PKD1L3: variants seen among roughly 807,000 people sequenced by gnomAD.
PKD1L3 encodes the protein polycystin-1-like protein 3.
In PKD1L3, 239 loss-of-function variants were observed where a neutral mutation model predicts 184.1. The observed-to-expected ratio is 1.30, with a 90% CI of 1.17 to 1.45. PKD1L3 has a LOEUF of 1.45. PKD1L3 is among the 40% of genes most tolerant of loss of function. PKD1L3 has a pLI of 0.00. For synonymous variants in PKD1L3, 996 were observed against 778.8 expected, an observed-to-expected ratio of 1.28 and a Z score of -4.64; for missense variants, 2,660 against 2,067.2, an observed-to-expected ratio of 1.29 and a Z score of -5.56.
Position 71,970,031 on chromosome 16 carries a change from AAAG to A in PKD1L3, c.2025_2027del (p.Phe676del), listed in dbSNP as rs1167039077. The A allele has an allele frequency of 3.2e-6, 5 of 1,551,562 alleles. No homozygotes were observed. In the East Asian group the frequency reaches 9.8e-5, roughly 30 times the overall value. On this transcript the variant is annotated inframe_deletion, in exon 13 of 30. Transcript: ENST00000620267. ...CAACATTCACGGTCCTGGGCACGAC[AAAG>A]AAGTCGCTGGCAAAGAAGGTCAGGT... is the stretch of plus-strand genomic sequence containing the variant.
In PKD1L3 at chr16:71,986,486, T is replaced by A. The variant is rs1419961406; in HGVS notation, c.586-17A>T. 1 of 1,543,026 alleles carries A rather than the reference T, an allele frequency of 6.5e-7. No homozygotes were observed. The highest frequency in any genetic ancestry group is 1.8e-4 in the Middle Eastern group (1 of 5,566). On this transcript the variant is annotated splice_polypyrimidine_tract_variant and intron_variant, in intron 4 of 29. Transcript: ENST00000620267. Reference sequence around the variant, plus strand: ...GGTCTTGGACTAAAAGATAAAAATATGTAAAGGAAAAGACTGAATCTGATT... The same window carrying A: ...GGTCTTGGACTAAAAGATAAAAATAAGTAAAGGAAAAGACTGAATCTGATT...
intron 5 of PKD1L3, among the ~76,000 whole-genome samples, chr16:71,985,722 G>T (rs1291330706): frequency 1.3e-5 from 2 of 152,132 alleles, no homozygotes; most frequent in Admixed American, 1.3e-4. Context: ...GTGAGCCACT[G>T]TGCCTGGCTA....
In PKD1L3 at chr16:71,993,180, C is replaced by T. The variant is rs184726267; in HGVS notation, c.535+36G>A. 3,821 of 1,401,288 alleles carry T rather than the reference C, an allele frequency of 2.7e-3. 109 individuals carry two copies. The highest frequency in any genetic ancestry group is 8.5e-4 in the South Asian group (65 of 76,052). The allele number at this position is 1,401,288 out of a possible 1,614,324, so 86.8% of individuals were successfully genotyped here. A position where few individuals can be genotyped will look rare whatever the true frequency, so the allele number is the denominator to read the frequency against. Reference sequence around the variant, plus strand: ...ATTCTTTTAGCAGAAATTGATTCCACGGATTTTTAAGGTTACTAGAGGAGT... The same window carrying T: ...ATTCTTTTAGCAGAAATTGATTCCATGGATTTTTAAGGTTACTAGAGGAGT... On this transcript the variant is annotated intron_variant, in intron 3 of 29. Transcript: ENST00000620267.
intron 15 of PKD1L3, among the ~76,000 whole-genome samples, 199 bp from the exon 16 acceptor site, chr16:71,963,550 G>A (rs1451097630): frequency 1.3e-5 from 2 of 152,212 alleles, no homozygotes; most frequent in Admixed American, 6.5e-5. Context: ...GTGAGGCTGA[G>A]GCAGGTGGAT....
intron 7 of PKD1L3, 67 bp downstream of exon 7, chr16:71,981,992 A>T: frequency 7.2e-7 from 1 of 1,387,216 alleles, no homozygotes; most frequent in Non-Finnish European, 9.6e-7. Flanking sequence ...AGAGGCTGTG[A>T]TACCTGGACC....
chr16:71,968,848 G>T (rs147093379), intron 13 of PKD1L3, among the ~76,000 whole-genome samples: 53 of 152,112 alleles, frequency 3.5e-4, no homozygotes, highest in African/African-American at 1.2e-3. Context: ...CACCTGCCTC[G>T]GCCTCCCAGT....
chr16:71,958,897 G>A (rs999956393), intron 16 of PKD1L3, among the ~76,000 whole-genome samples: 4 of 148,830 alleles, frequency 2.7e-5, no homozygotes, highest in Non-Finnish European at 5.9e-5. Flanking sequence ...GACCAGCCTG[G>A]GCAACAGAGT....
chr16:71,950,421 C>G (rs2038786059), intron 19 of PKD1L3, 111 bp from the exon 20 acceptor site: 4 of 977,402 alleles, frequency 4.1e-6, no homozygotes, highest in Admixed American at 2.8e-5. Flanking sequence ...TTTCCCACTA[C>G]TAGCAGAGAT....
At chr16:71,935,752 TC>T (rs1430019434) in intron 25 of PKD1L3, among the ~76,000 whole-genome samples, 1 of 152,244 alleles carries the variant, frequency 6.6e-6, no homozygotes, top group Non-Finnish European at 1.5e-5. Context: ...TTATTCTTTT[TC>T]TTGGAGATCA....
Position 71,999,749 on chromosome 16 carries a change from C to A in PKD1L3, c.230G>T (p.Gly77Val), listed in dbSNP as rs1337703923. 1 of 1,551,528 alleles carries A rather than the reference C, an allele frequency of 6.4e-7. No individual in the cohort carries two copies. The highest frequency in any genetic ancestry group is 8.7e-7 in the Non-Finnish European group (1 of 1,146,938). ...QDLIRDYLEE[G>V]KKWWIGQNVM... ...ATTTTGCCCAATCCACCACTTCTTT[C>A]CTTCTTCCAGATAGTCCCGGATGAG... is the stretch of plus-strand genomic sequence containing the variant. Residue 77 changes from glycine (G) to valine (V), a missense_variant, in exon 1 of 30, where the codon GGA (glycine) becomes GTA (valine). By Grantham distance (109) the Gly-to-Val change is moderately radical (BLOSUM62 -3). Transcript: ENST00000620267.
Position 71,993,209 on chromosome 16 carries a change from G to T in PKD1L3, c.535+7C>A. 2 of 1,525,238 alleles carry T rather than the reference G, an allele frequency of 1.3e-6. No homozygotes were observed. Among genetic ancestry groups the T allele is most frequent in the Non-Finnish European group, 1.8e-6 (2 of 1,126,258 alleles). 94.5% of individuals were successfully genotyped at this position (1,525,238 alleles called of 1,614,324 possible). A position where few individuals can be genotyped will look rare whatever the true frequency, so the allele number is the denominator to read the frequency against. On this transcript the variant is annotated splice_region_variant and intron_variant, in intron 3 of 29. Transcript: ENST00000620267. Reference sequence around the variant, plus strand: ...TTTTTAAGGTTACTAGAGGAGTAACGCATTACCTGGGGGCATTTTGTCTCT... The same window carrying T: ...TTTTTAAGGTTACTAGAGGAGTAACTCATTACCTGGGGGCATTTTGTCTCT...
chr16:71,950,591 A>C (rs141217936), intron 19 of PKD1L3, among the ~76,000 whole-genome samples: 2 of 152,316 alleles, frequency 1.3e-5, no homozygotes, highest in Admixed American at 1.3e-4. Flanking sequence ...GTAAGTGCCC[A>C]GGAGACTCAA....
intron 16 of PKD1L3, among the ~76,000 whole-genome samples, chr16:71,959,160 T>C (rs1432275902): frequency 6.7e-6 from 1 of 149,426 alleles, no homozygotes; most frequent in Non-Finnish European, 1.5e-5. Flanking sequence ...ACCTGTAATC[T>C]CAGCACTTTG....
At chr16:71,947,410 G>T (rs907536895) in intron 22 of PKD1L3, 82 bp downstream of exon 22, 2 of 891,248 alleles carry the variant, frequency 2.2e-6, no homozygotes, top group Non-Finnish European at 3.6e-6. Flanking sequence ...CTTTGAATGG[G>T]TTAATTTATC....
At chr16:71,975,553 A>G (rs960605128) in intron 11 of PKD1L3, among the ~76,000 whole-genome samples, 6 of 152,206 alleles carry the variant, frequency 3.9e-5, no homozygotes, top group Non-Finnish European at 5.9e-5. Context: ...AATGTGAAGT[A>G]TATTTAACTC....
chr16:71,974,961 T>C (rs1480521854), intron 11 of PKD1L3, among the ~76,000 whole-genome samples: 1 of 152,170 alleles, frequency 6.6e-6, no homozygotes, highest in Non-Finnish European at 1.5e-5. Context: ...TACAGAAGTG[T>C]AGCTCTTATT....
Position 71,986,355 on chromosome 16 carries a change from G to C in PKD1L3, c.700C>G (p.Gln234Glu). ...PSSQPLPVIT[Q>E]LTMPVSVTHA... ...GTGACAGACACGGGCATGGTGAGCT[G>C]TGTTATCACAGGGAGAGGCTGGCTG... is the stretch of plus-strand genomic sequence containing the variant. Residue 234 changes from glutamine to glutamate, a missense_variant, in exon 5 of 30, where the codon CAG becomes GAG. By Grantham distance (29) the Gln-to-Glu change is conservative. Coordinates refer to ENST00000620267, the MANE Select transcript of PKD1L3 (RefSeq NM_181536.2). 1 of 1,551,136 alleles carries C rather than the reference G, an allele frequency of 6.4e-7. No individual in the cohort carries two copies. Among genetic ancestry groups the C allele is most frequent in the South Asian group, 1.2e-5 (1 of 84,032 alleles).
chr16:71,940,463 A>G (rs1051343722), intron 24 of PKD1L3, among the ~76,000 whole-genome samples: 1 of 152,120 alleles, frequency 6.6e-6, no homozygotes, highest in Non-Finnish European at 1.5e-5. Context: ...TACCCAGTTG[A>G]TAAGCTCTAT....
At chr16:71,980,231 A>T in intron 7 of PKD1L3, 97 bp from the exon 8 acceptor site, 5 of 1,419,228 alleles carry the variant, frequency 3.5e-6, no homozygotes. Flanking sequence ...GAATTTTCAC[A>T]GTGTTGTAAT....
Sources: gnomAD v4.1 joint callset for allele counts (sites outside exome capture counted in the v4.1 genomes callset) on GRCh38, gnomAD v4.1.1 for gene constraint, MANE v1.5 for transcripts, NCBI Gene and HGNC (gene_info 2026-07-23, HGNC 2026-07-21) for gene names.